CRYZ: variants seen among roughly 807,000 people sequenced by gnomAD.
CRYZ encodes crystallin zeta.
In CRYZ, 35 loss-of-function variants were observed where a neutral mutation model predicts 34.1. That is an observed-to-expected ratio of 1.03 (90% CI 0.78 to 1.36). The LOEUF (loss-of-function observed/expected upper bound fraction) is 1.36, where lower values mean the gene tolerates loss of function less well. Ranked by LOEUF, CRYZ falls within the 40% of genes most tolerant of loss-of-function variation. The probability of loss-of-function intolerance (pLI) is 0.00; values close to 1 mark genes in which losing one functional copy is unlikely to be tolerated. For synonymous variants in CRYZ, 137 were observed against 136.5 expected (o/e 1.00, Z -0.03); for missense variants, 403 against 391.8 (o/e 1.03, Z -0.24).
At position 74,707,208 on chromosome 1, in the gene CRYZ, TATA is replaced by T. The variant is rs745344731; in HGVS notation, c.631-7_631-5del. On this transcript the variant is annotated splice_region_variant and splice_polypyrimidine_tract_variant and intron_variant, in intron 6 of 8. Transcript: ENST00000340866. ...TTCCTTTCTCACCAACATACTTCTATATAATAAAAGAGAAATGTAGAGTAAGAT... is the reference window on the plus strand; with the variant it reads ...TTCCTTTCTCACCAACATACTTCTATATAAAAGAGAAATGTAGAGTAAGAT... The T allele has an allele frequency of 2.7e-6, 4 of 1,458,634 alleles. No individual in the cohort carries two copies. In the South Asian group the frequency reaches 4.9e-5, roughly 18 times the overall value. The allele number at this position is 1,458,634 out of a possible 1,614,324, so 90.4% of individuals were successfully genotyped here.
intron 1 of CRYZ, among the ~76,000 whole-genome samples, chr1:74,731,876 G>A (rs1027366729): frequency 5.3e-5 from 8 of 152,208 alleles, no homozygotes; most frequent in Non-Finnish European, 1.2e-4. Flanking sequence ...ATCCAACGAT[G>A]TGTTAACAGG....
intron 5 of CRYZ, among the ~76,000 whole-genome samples, chr1:74,711,876 G>C (rs534452269): frequency 7.9e-5 from 12 of 152,228 alleles, no homozygotes; most frequent in South Asian, 2.1e-4. Context: ...TTCAACTGGA[G>C]ATATATATTA....
At position 74,728,759 on chromosome 1, in the gene CRYZ, C is replaced by A. The variant is rs993610294; in HGVS notation, c.-13-3925G>T. On this transcript the variant is annotated intron_variant, in intron 1 of 8. Coordinates refer to ENST00000340866, the MANE Select transcript of CRYZ (RefSeq NM_001889.4). ...ATCAAAAGTTTGTGCCATTTTAAAACCCTTAAAAGGATTTAACAATGTCTA... is the reference window on the plus strand; with the variant it reads ...ATCAAAAGTTTGTGCCATTTTAAAAACCTTAAAAGGATTTAACAATGTCTA... Among the ~76,000 whole-genome samples the A allele has an allele frequency of 7.9e-5, 12 of 152,188 alleles. No homozygotes were observed. In the East Asian group the frequency reaches 1.9e-3, roughly 24 times the overall value.
Position 74,706,961 on chromosome 1 carries a change from G to A in CRYZ, c.766C>T (p.Pro256Ser), listed in dbSNP as rs1557719904. The change falls in exon 8 of 9, where the codon CCA becomes TCA. Residue 256 changes from proline to serine, a missense_variant. Coordinates refer to ENST00000340866, the MANE Select transcript of CRYZ (RefSeq NM_001889.4). ...GACTCCTTTGCCATGGTGTCTCGTG[G>A]GTTTATTTCAATAGTACCTCTGCTG... ...VGSRGTIEIN[P>S]RDTMAKESSI... The A allele has an allele frequency of 6.2e-7, 1 of 1,612,560 alleles. No individual in the cohort carries two copies. The highest frequency in any genetic ancestry group is 1.1e-5 in the South Asian group (1 of 90,986).
chr1:74,723,455 C>T (rs1570009782), intron 2 of CRYZ, among the ~76,000 whole-genome samples, 185 bp from the exon 3 acceptor site: 1 of 152,168 alleles, frequency 6.6e-6, no homozygotes. Flanking sequence ...GACAGAATGG[C>T]TTATGTACTG....
At chr1:74,712,371 C>T (rs61790699) in intron 5 of CRYZ, among the ~76,000 whole-genome samples, 6,833 of 152,272 alleles carry the variant, frequency 0.045, 184 homozygotes, top group Non-Finnish European at 0.058. Flanking sequence ...TGTCTTCAGA[C>T]ATTGCCAAAT....
chr1:74,720,975 G>A (rs1647153789), intron 3 of CRYZ, among the ~76,000 whole-genome samples: 1 of 152,000 alleles, frequency 6.6e-6, no homozygotes, highest in Admixed American at 6.6e-5. Context: ...TCTAAGTAGA[G>A]GAAATTAGGA....
intron 3 of CRYZ, among the ~76,000 whole-genome samples, chr1:74,720,119 G>C (rs1315086909): frequency 2.0e-5 from 3 of 152,102 alleles, no homozygotes; most frequent in Non-Finnish European, 4.4e-5. Context: ...CAAGCAGCTA[G>C]TAAATAGCAG....
In CRYZ at chr1:74,706,988, C is replaced by CA; in HGVS notation, c.738dup (p.Gly247TrpfsTer7). 6.2e-7 allele frequency: 1 copy of CA among 1,611,942 alleles called. No homozygotes were observed. The highest frequency in any genetic ancestry group is 8.5e-7 in the Non-Finnish European group (1 of 1,178,856). On this transcript the variant is annotated frameshift_variant, in exon 8 of 9. Coordinates refer to ENST00000340866, the MANE Select transcript of CRYZ (RefSeq NM_001889.4). LOFTEE classifies it high-confidence loss of function. ...TTTATTTCAATAGTACCTCTGCTGC[C>CA]AACAACCTAACATGAAAAACAGCAA...
intron 3 of CRYZ, among the ~76,000 whole-genome samples, chr1:74,722,855 TA>T (rs564049585): frequency 1.4e-3 from 218 of 152,054 alleles, no homozygotes; most frequent in Middle Eastern, 6.8e-3. Flanking sequence ...TTCTATTAAA[TA>T]AAAAAAATCA....
intron 4 of CRYZ, among the ~76,000 whole-genome samples, chr1:74,715,558 C>A (rs1412346580): frequency 6.6e-6 from 1 of 152,156 alleles, no homozygotes; most frequent in Non-Finnish European, 1.5e-5. Flanking sequence ...GAAGTGGCAA[C>A]AATGAGCAAT....
chr1:74,727,576 G>T (rs1647430159), intron 1 of CRYZ, among the ~76,000 whole-genome samples: 2 of 74,062 alleles, frequency 2.7e-5, no homozygotes, highest in Non-Finnish European at 6.0e-5. Flanking sequence ...AGCTTCCAGT[G>T]AGCTGAGAGA....
intron 1 of CRYZ, among the ~76,000 whole-genome samples, chr1:74,730,654 G>C (rs567357287): frequency 6.6e-6 from 1 of 152,320 alleles, no homozygotes; most frequent in South Asian, 2.1e-4. Flanking sequence ...AAGAGGTTAA[G>C]AGACTTGGTC....
chr1:74,732,935 A>G, intron 1 of CRYZ, 21 bp downstream of exon 1: 1 of 370,234 alleles, frequency 2.7e-6, no homozygotes. Context: ...ACAACTAAGG[A>G]GAGTTTTTAA....
intron 3 of CRYZ, among the ~76,000 whole-genome samples, chr1:74,721,542 T>G (rs1647163940): frequency 6.6e-6 from 1 of 151,882 alleles, no homozygotes; most frequent in African/African-American, 2.4e-5. Flanking sequence ...CATTCTAGAG[T>G]AAGGATGAAT....
chr1:74,731,119 G>A (rs886881870), intron 1 of CRYZ, among the ~76,000 whole-genome samples: 3 of 152,018 alleles, frequency 2.0e-5, no homozygotes, highest in Non-Finnish European at 4.4e-5. Context: ...AGAGTCCCTT[G>A]GTTTAATTTT....
rs147597121 is a variant in CRYZ at position 74,706,373 on chromosome 1, A to G, written c.913T>C (p.Leu305=). ...TCATGAGCCTCGGCCACCTTCTCCA[A>G]TGGATATTGAGAACCTATCACAGGT... ...LKPVIGSQYP[L]EKVAEAHENI... The change falls in exon 9 of 9, where the codon TTG becomes CTG. Residue 305 remains leucine, a synonymous_variant. Transcript: ENST00000340866. 2.4e-4 allele frequency: 394 copies of G among 1,612,646 alleles called. No homozygotes were observed. In the African/African-American group the frequency reaches 4.2e-3, roughly 17 times the overall value.
intron 6 of CRYZ, 63 bp from the exon 7 acceptor site, chr1:74,707,267 T>C (rs1646943744): frequency 2.3e-6 from 2 of 868,458 alleles, no homozygotes; most frequent in East Asian, 2.4e-5. Context: ...ATAGCTACTA[T>C]CTGTACAAGA....
At chr1:74,719,117 T>C in intron 4 of CRYZ, 92 bp downstream of exon 4, 8 of 1,319,076 alleles carry the variant, frequency 6.1e-6, no homozygotes, top group Middle Eastern at 2.1e-4. Flanking sequence ...CCAAATATGA[T>C]GAACAGATGG....
Sources: gnomAD v4.1 joint callset for allele counts (sites outside exome capture counted in the v4.1 genomes callset) on GRCh38, gnomAD v4.1.1 for gene constraint, MANE v1.5 for transcripts, NCBI Gene and HGNC (gene_info 2026-07-23, HGNC 2026-07-21) for gene names.